EYS: variants seen among roughly 807,000 people sequenced by gnomAD.
EYS encodes the protein protein eyes shut homolog.
Under a neutral mutation model 282.1 loss-of-function variants are expected in EYS, and 250 were observed. That is an observed-to-expected ratio of 0.89 (90% CI 0.80 to 0.98). EYS has a LOEUF of 0.98. Ranked by LOEUF, EYS falls within the 50% of genes least tolerant of loss-of-function variation. EYS has a pLI of 0.00. For missense variants in EYS, 4,016 were observed against 3,709.0 expected (o/e 1.08, Z -2.15); for synonymous variants, 1,355 against 1,282.9 (o/e 1.06, Z -1.20).
At chr6:64,882,929 G>A (rs1766967455) in intron 19 of EYS, among the ~76,000 whole-genome samples, 2 of 151,378 alleles carry the variant, frequency 1.3e-5, no homozygotes, top group African/African-American at 2.4e-5. Context: ...GGATAAAATG[G>A]GTGATATAGA....
At chr6:65,271,128 T>TTATATATATATATATATATATA (rs70999188) in intron 12 of EYS, among the ~76,000 whole-genome samples, 2,021 of 55,496 alleles carry the variant, frequency 0.036, 329 homozygotes, top group Non-Finnish European at 0.044. Flanking sequence ...AATCAATAGA[T>TTATATATATATATATATATATA]TATATATATA....
At chr6:64,430,466 C>T (rs1774540687) in intron 28 of EYS, among the ~76,000 whole-genome samples, 1 of 151,992 alleles carries the variant, frequency 6.6e-6, no homozygotes, top group Non-Finnish European at 1.5e-5. Flanking sequence ...AGATAAATAG[C>T]GTATATATCA....
chr6:64,839,453 G>A (rs563717608), intron 19 of EYS, among the ~76,000 whole-genome samples: 2 of 151,960 alleles, frequency 1.3e-5, no homozygotes, highest in Middle Eastern at 3.4e-3. Context: ...CAAATTTACA[G>A]GGAAAATAAG....
chr6:65,609,170 A>G (rs1220931282), intron 2 of EYS, among the ~76,000 whole-genome samples: 1 of 151,980 alleles, frequency 6.6e-6, no homozygotes, highest in Admixed American at 6.6e-5. Flanking sequence ...CATCACCACA[A>G]GCATGTGACT....
intron 31 of EYS, among the ~76,000 whole-genome samples, chr6:64,193,282 T>C (rs1196259017): frequency 6.6e-6 from 1 of 152,142 alleles, no homozygotes; most frequent in South Asian, 2.1e-4. Flanking sequence ...TATTTAATTA[T>C]GTGTCTTACA....
chr6:64,485,468 C>T (rs990442779), intron 26 of EYS, among the ~76,000 whole-genome samples: 1 of 151,508 alleles, frequency 6.6e-6, no homozygotes, highest in Non-Finnish European at 1.5e-5. Context: ...TATGTTTTTG[C>T]TCAATAGGCA....
intron 8 of EYS, among the ~76,000 whole-genome samples, chr6:65,369,984 G>A (rs1394392804): frequency 1.3e-5 from 2 of 151,440 alleles, no homozygotes; most frequent in Admixed American, 6.7e-5. Context: ...TGAATATATT[G>A]GTGTGTTTAT....
intron 9 of EYS, among the ~76,000 whole-genome samples, chr6:65,351,169 A>G (rs1403470556): frequency 6.6e-6 from 1 of 151,782 alleles, no homozygotes; most frequent in Non-Finnish European, 1.5e-5. Context: ...TTGAAATTCA[A>G]AATGAGTTTA....
intron 30 of EYS, among the ~76,000 whole-genome samples, chr6:64,288,690 G>C (rs1768588079): frequency 6.6e-6 from 1 of 151,964 alleles, no homozygotes; most frequent in Admixed American, 6.6e-5. Context: ...TTTAAATAAA[G>C]TAAGTAGTAG....
At chr6:64,374,749 T>C (rs556595712) in intron 29 of EYS, among the ~76,000 whole-genome samples, 28 of 152,282 alleles carry the variant, frequency 1.8e-4, no homozygotes, top group Middle Eastern at 3.4e-3. Flanking sequence ...CTTTTATGTT[T>C]GGGAGAAATC....
At chr6:65,113,327 TGAC>T (rs1775269918) in intron 12 of EYS, among the ~76,000 whole-genome samples, 1 of 151,976 alleles carries the variant, frequency 6.6e-6, no homozygotes, top group African/African-American at 2.4e-5. Context: ...AATGAGAAAT[TGAC>T]AATCTATATG....
At chr6:64,592,065 C>CT in intron 25 of EYS, 76 bp from the exon 26 acceptor site, 1 of 1,053,724 alleles carries the variant, frequency 9.5e-7, no homozygotes, top group Non-Finnish European at 1.3e-6. Flanking sequence ...GGATAAATCT[C>CT]AGGCAAATTG....
In EYS at chr6:63,892,546, G is replaced by T. The variant is rs560659881; in HGVS notation, c.7056-28188C>A. Among the ~76,000 whole-genome samples, 10 of 152,218 alleles carry T rather than the reference G, an allele frequency of 6.6e-5. No individual in the cohort carries two copies. The East Asian group carries it at 1.7e-3, about 26-fold the overall frequency. On this transcript the variant is annotated intron_variant, in intron 35 of 42. Coordinates refer to ENST00000503581, the MANE Select transcript of EYS (RefSeq NM_001142800.2). Reference sequence around the variant, plus strand: ...AGTCATATGCAGAAAACTGAAACTGGACCCCTTCCTTAAATCTTATACAAA... The same window carrying T: ...AGTCATATGCAGAAAACTGAAACTGTACCCCTTCCTTAAATCTTATACAAA...
intron 22 of EYS, among the ~76,000 whole-genome samples, chr6:64,726,765 C>G (rs980526088): frequency 6.6e-6 from 1 of 151,764 alleles, no homozygotes; most frequent in Non-Finnish European, 1.5e-5. Flanking sequence ...AAAACATAGC[C>G]GAAAGCAGAT....
chr6:63,754,983 G>A (rs1176357803), intron 41 of EYS, among the ~76,000 whole-genome samples: 1 of 152,158 alleles, frequency 6.6e-6, no homozygotes, highest in East Asian at 1.9e-4. Context: ...CTGCATAAAT[G>A]TCTTCTTTTA....
intron 35 of EYS, among the ~76,000 whole-genome samples, chr6:63,906,700 T>C (rs958777119): frequency 3.9e-5 from 6 of 152,194 alleles, no homozygotes; most frequent in Non-Finnish European, 8.8e-5. Context: ...CTGTATTGCT[T>C]GGGTAACAGA....
intron 35 of EYS, among the ~76,000 whole-genome samples, chr6:63,955,137 G>A (rs1765761467): frequency 6.6e-6 from 1 of 152,028 alleles, no homozygotes; most frequent in African/African-American, 2.4e-5. Flanking sequence ...GAGAAGGCCA[G>A]CACAGTCATT....
intron 2 of EYS, among the ~76,000 whole-genome samples, chr6:65,535,570 C>T (rs1767933500): frequency 6.6e-6 from 1 of 152,082 alleles, no homozygotes; most frequent in Admixed American, 6.6e-5. Flanking sequence ...ATTACCCAGT[C>T]TCAGGTATGT....
intron 33 of EYS, among the ~76,000 whole-genome samples, chr6:64,046,275 C>T (rs955003388): frequency 6.6e-6 from 1 of 151,704 alleles, no homozygotes; most frequent in Admixed American, 6.6e-5. Flanking sequence ...TTGAAGGGAT[C>T]GATTTCAGAC....
Sources: gnomAD v4.1 joint callset for allele counts (sites outside exome capture counted in the v4.1 genomes callset) on GRCh38, gnomAD v4.1.1 for gene constraint, MANE v1.5 for transcripts, NCBI Gene and HGNC (gene_info 2026-07-23, HGNC 2026-07-21) for gene names.